The following PARVA variants were observed in gnomAD, a reference collection of about 807,000 sequenced individuals.
PARVA encodes parvin alpha.
In PARVA, 25 loss-of-function variants were observed where a neutral mutation model predicts 52.6. That is an observed-to-expected ratio of 0.48 (90% CI 0.35 to 0.66). The LOEUF (loss-of-function observed/expected upper bound fraction) is 0.66. Among genes scored for constraint, PARVA ranks in the 30% least tolerant of loss-of-function variants. PARVA has a pLI of 0.01. For missense variants in PARVA, 373 were observed against 450.9 expected (o/e 0.83, Z 1.56); for synonymous variants, 185 against 179.1 (o/e 1.03, Z -0.26).
chr11:12,450,244 A>G (rs1410538965), intron 1 of PARVA, among the ~76,000 whole-genome samples: 4 of 152,194 alleles, frequency 2.6e-5, no homozygotes, highest in Non-Finnish European at 1.5e-5. Context: ...GACTCATTTC[A>G]TCTTTGCCGC....
intron 1 of PARVA, among the ~76,000 whole-genome samples, chr11:12,422,401 A>G (rs72860953): frequency 0.035 from 5,285 of 152,336 alleles, 136 homozygotes; most frequent in Non-Finnish European, 0.059. Context: ...TTATAGCTCT[A>G]GTTCCATATT....
chr11:12,514,395 C>CAATT (rs1478789729), intron 10 of PARVA, among the ~76,000 whole-genome samples: 1 of 152,220 alleles, frequency 6.6e-6, no homozygotes, highest in Non-Finnish European at 1.5e-5. Context: ...AACCACAACA[C>CAATT]AATTATCAAA....
At position 12,476,083 on chromosome 11, in the gene PARVA, C is replaced by A. The variant is rs576422571; in HGVS notation, c.298-1764C>A. On this transcript the variant is annotated intron_variant, in intron 3 of 12. Coordinates refer to ENST00000334956, the MANE Select transcript of PARVA (RefSeq NM_018222.5). ...GGTATGCTACTACTTGCTCAGGAGACCTCTAAGGGTAAGGACGGTCAGAAT... is the reference window on the plus strand; with the variant it reads ...GGTATGCTACTACTTGCTCAGGAGAACTCTAAGGGTAAGGACGGTCAGAAT... Among the ~76,000 whole-genome samples, 8 of 152,280 alleles carry A rather than the reference C, an allele frequency of 5.3e-5. No homozygotes were observed. In the South Asian group the frequency reaches 1.7e-3, roughly 32 times the overall value.
intron 12 of PARVA, among the ~76,000 whole-genome samples, chr11:12,524,576 G>A (rs1489212298): frequency 6.6e-6 from 1 of 152,178 alleles, no homozygotes; most frequent in Non-Finnish European, 1.5e-5. Flanking sequence ...TGCCCGTGCT[G>A]TTATTAACAT....
chr11:12,441,525 G>C (rs907677774), intron 1 of PARVA, among the ~76,000 whole-genome samples: 2 of 151,930 alleles, frequency 1.3e-5, no homozygotes, highest in Non-Finnish European at 2.9e-5. Context: ...AGTGGTTTTG[G>C]TTAATCCACA....
chr11:12,509,730 CA>C (rs2135074010), intron 7 of PARVA, among the ~76,000 whole-genome samples: 1 of 152,324 alleles, frequency 6.6e-6, no homozygotes, highest in African/African-American at 2.4e-5. Context: ...CCCCATCAAG[CA>C]GCCTCTGTAT....
chr11:12,510,013 G>A (rs1014903879), intron 7 of PARVA, among the ~76,000 whole-genome samples: 6 of 152,164 alleles, frequency 3.9e-5, no homozygotes, highest in East Asian at 1.9e-4. Flanking sequence ...ACAATCTCTC[G>A]GATGCATGTT....
intron 1 of PARVA, among the ~76,000 whole-genome samples, chr11:12,411,272 C>G (rs905882648): frequency 2.6e-5 from 4 of 152,128 alleles, no homozygotes; most frequent in Non-Finnish European, 4.4e-5. Flanking sequence ...TACCTTTGCA[C>G]CAACCTAATA....
chr11:12,377,680 CCCCAAGTCTCCCACT>C lies in PARVA; in HGVS notation c.42_56del (p.Thr16_Pro20del). 2 of 1,569,160 alleles carry C rather than the reference CCCCAAGTCTCCCACT, an allele frequency of 1.3e-6. No individual in the cohort carries two copies. Among genetic ancestry groups the C allele is most frequent in the Admixed American group, 1.9e-5 (1 of 52,536 alleles). ...CCTCCCCGCAGAAGTCGCCTTCTGT[CCCCAAGTCTCCCACT>C]CCCAAGTCGCCCCCGTCCCGCAAGA... On this transcript the variant is annotated inframe_deletion, in exon 1 of 13. Transcript: ENST00000334956.
intron 1 of PARVA, among the ~76,000 whole-genome samples, chr11:12,397,999 C>G (rs537056093): frequency 1.3e-5 from 2 of 152,178 alleles, no homozygotes; most frequent in Admixed American, 1.3e-4. Context: ...CTCTCTGCCC[C>G]CTTGAATTCC....
chr11:12,487,338 A>G (rs966500872), intron 4 of PARVA, among the ~76,000 whole-genome samples: 2 of 152,236 alleles, frequency 1.3e-5, no homozygotes, highest in African/African-American at 2.4e-5. Context: ...CTCAGTTCCA[A>G]TCTTGGTTTC....
At chr11:12,448,396 T>C (rs894909460) in intron 1 of PARVA, among the ~76,000 whole-genome samples, 1 of 152,010 alleles carries the variant, frequency 6.6e-6, no homozygotes, top group African/African-American at 2.4e-5. Flanking sequence ...GGCAGATGAG[T>C]GCGGCAGCAG....
intron 1 of PARVA, among the ~76,000 whole-genome samples, chr11:12,388,546 A>G (rs939379845): frequency 6.6e-6 from 1 of 152,184 alleles, no homozygotes; most frequent in Non-Finnish European, 1.5e-5. Flanking sequence ...TTTTTTTAAT[A>G]AAAGTTTTTC....
chr11:12,476,944 G>A (rs1158485712), intron 3 of PARVA, among the ~76,000 whole-genome samples: 1 of 152,196 alleles, frequency 6.6e-6, no homozygotes, highest in African/African-American at 2.4e-5. Flanking sequence ...TGTCAAAACT[G>A]TAGTGGTTCC....
chr11:12,498,635 C>A (rs1941329453), intron 5 of PARVA, among the ~76,000 whole-genome samples: 1 of 143,222 alleles, frequency 7.0e-6, no homozygotes, highest in Non-Finnish European at 1.5e-5. Context: ...AGTGAAGTGG[C>A]ACAATCTTGG....
intron 1 of PARVA, among the ~76,000 whole-genome samples, chr11:12,382,171 A>C (rs1279433659): frequency 6.6e-6 from 1 of 152,206 alleles, no homozygotes; most frequent in East Asian, 1.9e-4. Flanking sequence ...ACTACAGTTC[A>C]TTTCGTGCAG....
At chr11:12,460,966 T>G (rs1940769381) in intron 1 of PARVA, among the ~76,000 whole-genome samples, 1 of 152,186 alleles carries the variant, frequency 6.6e-6, no homozygotes, top group African/African-American at 2.4e-5. Context: ...CTCTCAGGAC[T>G]TGGTTCAGGA....
At chr11:12,412,388 C>G (rs887680936) in intron 1 of PARVA, among the ~76,000 whole-genome samples, 4 of 152,184 alleles carry the variant, frequency 2.6e-5, no homozygotes, top group Admixed American at 2.6e-4. Context: ...CAGAGATTAA[C>G]CCTTGGGTGG....
chr11:12,409,357 G>A (rs1031307493), intron 1 of PARVA, among the ~76,000 whole-genome samples: 1 of 152,184 alleles, frequency 6.6e-6, no homozygotes, highest in Non-Finnish European at 1.5e-5. Flanking sequence ...GTGGCAGCCC[G>A]AAAGTGTCTA....
Sources: allele counts gnomAD v4.1 joint callset (sites outside exome capture counted in the v4.1 genomes callset), GRCh38; gene constraint gnomAD v4.1.1; transcripts MANE v1.5; gene names NCBI Gene and HGNC (gene_info 2026-07-23, HGNC 2026-07-21).